MIGA1: variants seen among roughly 807,000 people sequenced by gnomAD.
MIGA1 encodes family with sequence similarity 73, member A.
A neutral mutation model predicts 82.0 loss-of-function variants in MIGA1; 58 were observed. That is an observed-to-expected ratio of 0.71 (90% CI 0.57 to 0.88). The LOEUF is 0.88. Among genes scored for constraint, MIGA1 ranks in the 40% least tolerant of loss-of-function variants. The pLI, the probability that MIGA1 is intolerant of heterozygous loss-of-function variation, is 0.00. For missense variants in MIGA1, 751 were observed against 749.1 expected (o/e 1.00, Z -0.03); for synonymous variants, 249 against 253.6 (o/e 0.98, Z 0.17).
chr1:77,835,212 A>T (rs966871991), intron 7 of MIGA1, among the ~76,000 whole-genome samples: 1 of 152,198 alleles, frequency 6.6e-6, no homozygotes, highest in African/African-American at 2.4e-5. Context: ...TTTGGAAAAA[A>T]ACTCAAGTAA....
chr1:77,828,717 G>A (rs980673802), intron 7 of MIGA1, among the ~76,000 whole-genome samples: 2 of 152,166 alleles, frequency 1.3e-5, no homozygotes, highest in African/African-American at 4.8e-5. Flanking sequence ...CTGTCACCCA[G>A]GCTGGAGTGC....
At chr1:77,830,822 A>G (rs1051589932) in intron 7 of MIGA1, among the ~76,000 whole-genome samples, 8 of 152,184 alleles carry the variant, frequency 5.3e-5, no homozygotes, top group African/African-American at 1.7e-4. Context: ...TTAAGTATTT[A>G]TTTATTTGCT....
intron 7 of MIGA1, 87 bp downstream of exon 7, chr1:77,815,318 G>A (rs939024728): frequency 4.0e-6 from 4 of 1,000,126 alleles, no homozygotes; most frequent in East Asian, 6.1e-5. Flanking sequence ...TCTGTCTTAT[G>A]TAATAATAGG....
chr1:77,830,931 T>G (rs1557916920), intron 7 of MIGA1, among the ~76,000 whole-genome samples: 1 of 152,200 alleles, frequency 6.6e-6, no homozygotes, highest in African/African-American at 2.4e-5. Flanking sequence ...TCAGGTTGCT[T>G]GTAGTCTGGT....
chr1:77,851,452 G>A (rs905335557), intron 8 of MIGA1, among the ~76,000 whole-genome samples: 1 of 152,026 alleles, frequency 6.6e-6, no homozygotes, highest in African/African-American at 2.4e-5. Context: ...TAACTTCTCA[G>A]CTCTATTTAA....
At chr1:77,854,137 A>C (rs1000702042) in intron 8 of MIGA1, among the ~76,000 whole-genome samples, 7 of 152,100 alleles carry the variant, frequency 4.6e-5, no homozygotes, top group African/African-American at 1.4e-4. Context: ...AGAACATATG[A>C]TGTTTGGTTT....
chr1:77,780,908 C>CTTTTTTT (rs1351911649), intron 1 of MIGA1, among the ~76,000 whole-genome samples: 16 of 133,222 alleles, frequency 1.2e-4, no homozygotes, highest in Non-Finnish European at 1.5e-4. Flanking sequence ...TTTCTTTTTT[C>CTTTTTTT]TTTTTTTTTT....
intron 14 of MIGA1, among the ~76,000 whole-genome samples, chr1:77,872,121 C>T (rs975225195): frequency 5.3e-5 from 8 of 152,126 alleles, no homozygotes; most frequent in African/African-American, 1.9e-4. Context: ...GTACACACCA[C>T]CATGCCTGGC....
intron 7 of MIGA1, among the ~76,000 whole-genome samples, chr1:77,839,021 A>G (rs968463978): frequency 6.6e-6 from 1 of 152,108 alleles, no homozygotes; most frequent in African/African-American, 2.4e-5. Flanking sequence ...TGGGGCTATT[A>G]TAAACAGTAT....
intron 7 of MIGA1, among the ~76,000 whole-genome samples, chr1:77,841,736 T>G (rs1684632926): frequency 3.3e-5 from 1 of 30,704 alleles, no homozygotes; most frequent in South Asian, 1.1e-3. Context: ...ACTTCTGCTT[T>G]CTTTCTTTTC....
chr1:77,820,427 A>G (rs913667033), intron 7 of MIGA1, among the ~76,000 whole-genome samples: 1 of 152,210 alleles, frequency 6.6e-6, no homozygotes, highest in Admixed American at 6.5e-5. Flanking sequence ...GTGTGATTAT[A>G]AAACCTGTCT....
At chr1:77,865,740 G>A (rs1235873288) in intron 13 of MIGA1, among the ~76,000 whole-genome samples, 1 of 151,284 alleles carries the variant, frequency 6.6e-6, no homozygotes, top group Non-Finnish European at 1.5e-5. Flanking sequence ...TTGTTCCAGA[G>A]TGCAGTCTTT....
At chr1:77,813,994 G>A (rs555068839) in intron 6 of MIGA1, 127 bp downstream of exon 6, 91 of 884,988 alleles carry the variant, frequency 1.0e-4, no homozygotes, top group Non-Finnish European at 1.5e-4. Flanking sequence ...GGGCTCAAGC[G>A]ATCTTCCCGC....
intron 8 of MIGA1, chr1:77,847,896 A>T: frequency 6.6e-7 from 1 of 1,525,984 alleles, no homozygotes; most frequent in Non-Finnish European, 9.1e-7. Flanking sequence ...TGCTAAGAGC[A>T]GCAAGGATGA....
At chr1:77,836,908 G>A (rs1233347714) in intron 7 of MIGA1, among the ~76,000 whole-genome samples, 1 of 151,960 alleles carries the variant, frequency 6.6e-6, no homozygotes, top group African/African-American at 2.4e-5. Context: ...ATTAGAAAAT[G>A]GCTTTTTTTC....
chr1:77,803,482 A>G (rs1682969204), intron 4 of MIGA1, 76 bp downstream of exon 4: 1 of 583,150 alleles, frequency 1.7e-6, no homozygotes, highest in Non-Finnish European at 2.7e-6. Context: ...TAAGTGTCAT[A>G]TACTTATAGT....
At chr1:77,794,303 A>G (rs1369593272) in intron 2 of MIGA1, among the ~76,000 whole-genome samples, 1 of 151,914 alleles carries the variant, frequency 6.6e-6, no homozygotes, top group Non-Finnish European at 1.5e-5. Context: ...ACTTTTTTCC[A>G]CCTTATATCC....
intron 2 of MIGA1, among the ~76,000 whole-genome samples, chr1:77,793,447 T>C (rs906099339): frequency 1.3e-5 from 2 of 151,800 alleles, no homozygotes; most frequent in Non-Finnish European, 2.9e-5. Context: ...TTTTTTTGTT[T>C]GTTTGTTTGC....
chr1:77,871,653 C>T (rs1005631642), intron 14 of MIGA1, among the ~76,000 whole-genome samples: 1 of 152,040 alleles, frequency 6.6e-6, no homozygotes, highest in Non-Finnish European at 1.5e-5. Context: ...TGTTATTTAA[C>T]AAGGGAAATT....
Sources: allele counts gnomAD v4.1 joint callset (sites outside exome capture counted in the v4.1 genomes callset), GRCh38; gene constraint gnomAD v4.1.1; transcripts MANE v1.5; gene names NCBI Gene and HGNC (gene_info 2026-07-23, HGNC 2026-07-21).